The following CDC14B variants were observed in gnomAD, a reference collection of about 807,000 sequenced individuals.
CDC14B encodes cell division cycle 14B, also known as dual specificity protein phosphatase CDC14B.
Under a neutral mutation model 64.2 loss-of-function variants are expected in CDC14B, and 22 were observed. The ratio of observed to expected loss-of-function variants is 0.34; its 90% CI spans 0.24 to 0.49. The LOEUF (loss-of-function observed/expected upper bound fraction) is 0.49, where lower values mean the gene tolerates loss of function less well. CDC14B is among the 20% of genes least tolerant of loss of function. CDC14B has a pLI of 0.99. For synonymous variants in CDC14B, 191 were observed against 215.8 expected (o/e 0.89, Z 1.01); for missense variants, 498 against 629.9 (o/e 0.79, Z 2.24).
chr9:96,570,370 A>G (rs1844398360), intron 1 of CDC14B, among the ~76,000 whole-genome samples: 1 of 152,220 alleles, frequency 6.6e-6, no homozygotes, highest in South Asian at 2.1e-4. Flanking sequence ...ACCTAGAGAC[A>G]CTTTGTATTT....
At chr9:96,557,721 T>TA (rs2132168680) in intron 4 of CDC14B, among the ~76,000 whole-genome samples, 1 of 152,340 alleles carries the variant, frequency 6.6e-6, no homozygotes, top group South Asian at 2.1e-4. Flanking sequence ...AAGCCATTCT[T>TA]ACAGCTATAA....
rs192778445 is a variant in CDC14B at position 96,505,826 on chromosome 9, G to C, written c.1461-2037C>G. 4.8e-3 allele frequency among the ~76,000 whole-genome samples: 725 copies of C among 152,330 alleles called. 2 individuals carry two copies. The highest frequency in any genetic ancestry group is 6.6e-3 in the Non-Finnish European group (452 of 68,020). On this transcript the variant is annotated intron_variant, in intron 13 of 13. Transcript: ENST00000375241. ...GGCCACATGAGATTTAGGTTTCGAT[G>C]TGGCACAGCTTCAAATGGATACACG... is the stretch of plus-strand genomic sequence containing the variant.
intron 1 of CDC14B, among the ~76,000 whole-genome samples, chr9:96,612,667 T>C (rs1026683353): frequency 3.3e-5 from 5 of 152,184 alleles, no homozygotes; most frequent in African/African-American, 1.2e-4. Flanking sequence ...TCAACCGCAA[T>C]ATGCGATATG....
In CDC14B at chr9:96,533,788, T is replaced by A. The variant is rs1424509155; in HGVS notation, c.946+139A>T. On this transcript the variant is annotated intron_variant, in intron 9 of 13. Transcript: ENST00000375241. ...AAAATAAGTTACTATACTTTTCATC[T>A]GAAATCAAAGGTTTCACGGCACTCT... The A allele has an allele frequency of 1.1e-5, 6 of 561,834 alleles. No homozygotes were observed. In the African/African-American group the frequency reaches 1.1e-4, roughly 11 times the overall value. 34.8% of individuals were successfully genotyped at this position (561,834 alleles called of 1,614,324 possible). A position where few individuals can be genotyped will look rare whatever the true frequency, so the allele number is the denominator to read the frequency against.
At chr9:96,504,453 C>T (rs1833859942) in intron 13 of CDC14B, among the ~76,000 whole-genome samples, 1 of 152,190 alleles carries the variant, frequency 6.6e-6, no homozygotes, top group African/African-American at 2.4e-5. Context: ...GAGGGCTCCT[C>T]GCCCGATGCT....
intron 9 of CDC14B, among the ~76,000 whole-genome samples, chr9:96,529,320 T>A (rs1277908761): frequency 6.6e-6 from 1 of 152,166 alleles, no homozygotes; most frequent in Non-Finnish European, 1.5e-5. Flanking sequence ...CAGCACCATT[T>A]GTTGAAAAGA....
intron 1 of CDC14B, among the ~76,000 whole-genome samples, chr9:96,592,705 G>A (rs902572041): frequency 1.2e-4 from 19 of 152,056 alleles, no homozygotes; most frequent in African/African-American, 4.1e-4. Flanking sequence ...CCTGGGAGGT[G>A]GAGGTTGCAT....
intron 9 of CDC14B, among the ~76,000 whole-genome samples, chr9:96,530,331 C>G (rs1473088051): frequency 6.7e-6 from 1 of 149,252 alleles, no homozygotes; most frequent in African/African-American, 2.5e-5. Flanking sequence ...CTTGCTCTGT[C>G]CCCCAGGCTG....
intron 1 of CDC14B, among the ~76,000 whole-genome samples, chr9:96,571,645 T>C (rs1241272332): frequency 6.6e-6 from 1 of 152,146 alleles, no homozygotes; most frequent in Non-Finnish European, 1.5e-5. Context: ...GATATTATAA[T>C]TATATACTTA....
intron 12 of CDC14B, among the ~76,000 whole-genome samples, chr9:96,518,228 C>T (rs1836048874): frequency 6.6e-6 from 1 of 152,112 alleles, no homozygotes; most frequent in African/African-American, 2.4e-5. Flanking sequence ...TTAAAAATTA[C>T]ATGTCAGGCC....
Position 96,503,620 on chromosome 9 carries a change from T to G in CDC14B, c.*133A>C, listed in dbSNP as rs1833740996. 2 of 730,736 alleles carry G rather than the reference T, an allele frequency of 2.7e-6. No homozygotes were observed. The highest frequency in any genetic ancestry group is 4.7e-6 in the Non-Finnish European group (2 of 428,326). The allele number at this position is 730,736 out of a possible 1,614,324, so 45.3% of individuals were successfully genotyped here. On this transcript the variant is annotated 3_prime_UTR_variant, in exon 14 of 14. Coordinates refer to ENST00000375241, the MANE Select transcript of CDC14B (RefSeq NM_033331.4). ...TATTCAAACTCCAGTGGACATTTTC[T>G]CCATTGATCAACTTCTTAGGTGGAA...
In CDC14B at chr9:96,619,292, C is replaced by G; in HGVS notation, c.87G>C (p.Lys29Asn). 1 of 1,339,422 alleles carries G rather than the reference C, an allele frequency of 7.5e-7. No homozygotes were observed. 83.0% of individuals were successfully genotyped at this position (1,339,422 alleles called of 1,614,324 possible). A position where few individuals can be genotyped will look rare whatever the true frequency, so the allele number is the denominator to read the frequency against. The change falls in exon 1 of 14, where the codon AAG (lysine) becomes AAC (asparagine). Residue 29 changes from lysine (K) to asparagine (N), a missense_variant. Lys to Asn is a moderately conservative substitution (Grantham distance 94). Transcript: ENST00000375241. The part of the protein sequence containing the change: ...RRCSSTSPGV[K>N]KIRSSTQQDP... Reference sequence around the variant, plus strand: ...CTTGCTGCGTGGAGCTGCGGATCTTCTTCACACCCGGCGAGGTCGACGAGC... The same window carrying G: ...CTTGCTGCGTGGAGCTGCGGATCTTGTTCACACCCGGCGAGGTCGACGAGC...
At chr9:96,557,992 T>G (rs1249247505) in intron 4 of CDC14B, among the ~76,000 whole-genome samples, 1 of 152,206 alleles carries the variant, frequency 6.6e-6, no homozygotes, top group Non-Finnish European at 1.5e-5. Flanking sequence ...ATAGAAGAGA[T>G]GAATACCATG....
Position 96,541,960 on chromosome 9 carries a change from G to C in CDC14B, c.498-68C>G, listed in dbSNP as rs574459556. 2.9e-4 allele frequency: 308 copies of C among 1,052,204 alleles called. 1 individual carries two copies. The highest frequency in any genetic ancestry group is 2.7e-4 in the Non-Finnish European group (190 of 702,496). The allele number at this position is 1,052,204 out of a possible 1,614,324, so 65.2% of individuals were successfully genotyped here. A position where few individuals can be genotyped will look rare whatever the true frequency, so the allele number is the denominator to read the frequency against. ...GCAATTACACTTACCTAAGACAAAGGTGACTAGAATTTAAAATCAAATGTA... is the reference window on the plus strand; with the variant it reads ...GCAATTACACTTACCTAAGACAAAGCTGACTAGAATTTAAAATCAAATGTA... On this transcript the variant is annotated intron_variant, in intron 5 of 13. Coordinates refer to ENST00000375241, the MANE Select transcript of CDC14B (RefSeq NM_033331.4).
chr9:96,522,806 G>C (rs1366164498), intron 11 of CDC14B, among the ~76,000 whole-genome samples: 1 of 151,510 alleles, frequency 6.6e-6, no homozygotes, highest in Non-Finnish European at 1.5e-5. Context: ...ACTCTTGTTA[G>C]AAAACACATC....
chr9:96,569,672 T>C lies in CDC14B; in HGVS notation c.161-4189A>G, dbSNP rs552625599. On this transcript the variant is annotated intron_variant, in intron 1 of 13. Transcript: ENST00000375241. ...TGGAGTCTCGCTCTGTTGCCCAGGC[T>C]GGAGTGCAGTGGTGCAGTCTTGGCT... Among the ~76,000 whole-genome samples, 22 of 152,268 alleles carry C rather than the reference T, an allele frequency of 1.4e-4. No individual in the cohort carries two copies. In the South Asian group the frequency reaches 4.6e-3, roughly 32 times the overall value.
At chr9:96,592,996 A>G (rs1383780056) in intron 1 of CDC14B, among the ~76,000 whole-genome samples, 1 of 152,224 alleles carries the variant, frequency 6.6e-6, no homozygotes, top group Non-Finnish European at 1.5e-5. Flanking sequence ...GAGGAGTCAA[A>G]GTTAAATAAA....
At chr9:96,538,755 T>A in intron 7 of CDC14B, 1 of 192,616 alleles carries the variant, frequency 5.2e-6, no homozygotes, top group Non-Finnish European at 1.0e-5. Flanking sequence ...AAAAGAAAAA[T>A]TAAAAACAGG....
At position 96,537,480 on chromosome 9, in the gene CDC14B, C is replaced by T. The variant is rs1362010729; in HGVS notation, c.627+1598G>A. On this transcript the variant is annotated intron_variant, in intron 7 of 13. Transcript: ENST00000375241. ...GGCTGGTGCAGAGATGGGCACATGA[C>T]GTAAGTCAGGCCAGTGAGAGGCATT... 5.9e-5 allele frequency among the ~76,000 whole-genome samples: 9 copies of T among 152,254 alleles called. No individual in the cohort carries two copies. The East Asian group carries it at 7.7e-4, about 13-fold the overall frequency.
Sources: allele counts gnomAD v4.1 joint callset (sites outside exome capture counted in the v4.1 genomes callset), GRCh38; gene constraint gnomAD v4.1.1; transcripts MANE v1.5; gene names NCBI Gene and HGNC (gene_info 2026-07-23, HGNC 2026-07-21).